PPP1R12A: variants seen among roughly 807,000 people sequenced by gnomAD.
PPP1R12A encodes protein phosphatase 1 regulatory subunit 12A, also known as myosin binding subunit.
Under a neutral mutation model 139.6 loss-of-function variants are expected in PPP1R12A, and 19 were observed. The observed-to-expected ratio is 0.14, with a 90% CI of 0.09 to 0.20. PPP1R12A has a LOEUF of 0.20. Ranked by LOEUF, PPP1R12A falls within the 10% of genes least tolerant of loss-of-function variation. The probability of loss-of-function intolerance (pLI) is 1.00; values close to 1 mark genes in which losing one functional copy is unlikely to be tolerated. For missense variants in PPP1R12A, 925 were observed against 1,211.5 expected, an observed-to-expected ratio of 0.76 and a Z score of 3.51; for synonymous variants, 427 against 420.6, an observed-to-expected ratio of 1.02 and a Z score of -0.19.
In PPP1R12A at chr12:79,817,517, A is replaced by G. The variant is rs1875555566; in HGVS notation, c.1116T>C (p.Asp372=). 1 of 1,580,786 alleles carries G rather than the reference A, an allele frequency of 6.3e-7. No homozygotes were observed. Among genetic ancestry groups the G allele is most frequent in the East Asian group, 2.3e-5 (1 of 43,788 alleles). ...EDDSESEAET[D]KTKPLASVTN... is the part of the protein sequence containing the mutation. ...TTACAGAAGCCAGGGGTTTTGTCTT[A>G]TCTATTAAAGACAAACAATTAAGAG... is the stretch of plus-strand genomic sequence containing the variant. The change falls in exon 9 of 25, where the codon GAT becomes GAC. Residue 372 remains aspartate, a splice_region_variant and synonymous_variant. Transcript: ENST00000450142.
At chr12:79,888,987 C>A (rs1460372354) in intron 1 of PPP1R12A, among the ~76,000 whole-genome samples, 1 of 152,122 alleles carries the variant, frequency 6.6e-6, no homozygotes, top group Non-Finnish European at 1.5e-5. Context: ...ATCACATGTG[C>A]AAAATGACAT....
In PPP1R12A at chr12:79,788,762, T is replaced by C; in HGVS notation, c.2688A>G (p.Ser896=). The C allele has an allele frequency of 6.2e-7, 1 of 1,610,272 alleles. No homozygotes were observed. Among genetic ancestry groups the C allele is most frequent in the South Asian group, 1.1e-5 (1 of 90,684 alleles). ...GCAAGGAATCATATCGATCACCAGC[T>C]GATGTAGAACTGGTTTCATATCTTC... ...SISRYETSST[S]AGDRYDSLLG... Residue 896 remains serine (S), a synonymous_variant, in exon 21 of 25, where the codon TCA becomes TCG. Coordinates refer to ENST00000450142, the MANE Select transcript of PPP1R12A (RefSeq NM_002480.3).
chr12:79,892,450 T>C (rs1014439791), intron 1 of PPP1R12A, among the ~76,000 whole-genome samples: 1 of 152,214 alleles, frequency 6.6e-6, no homozygotes, highest in Non-Finnish European at 1.5e-5. Flanking sequence ...ATTATTCGTT[T>C]AATATTTACT....
At chr12:79,935,457 C>T (rs945990766), upstream of PPP1R12A, 118 of 987,764 alleles carry the variant, frequency 1.2e-4, no homozygotes, top group Non-Finnish European at 1.4e-4. Context: ...GGCAGATCTG[C>T]CTCCCGTGCT....
chr12:79,838,255 G>A (rs1259804034), intron 3 of PPP1R12A, among the ~76,000 whole-genome samples: 1 of 152,182 alleles, frequency 6.6e-6, no homozygotes, highest in Non-Finnish European at 1.5e-5. Flanking sequence ...GAGATCTGTG[G>A]AACTCTGAAC....
In PPP1R12A at chr12:79,809,810, C is replaced by T. The variant is rs1173531296; in HGVS notation, c.1440G>A (p.Leu480=). The T allele has an allele frequency of 6.2e-7, 1 of 1,611,512 alleles. No homozygotes were observed. The change falls in exon 10 of 25, where the codon TTG becomes TTA. Residue 480 remains leucine, a synonymous_variant. Transcript: ENST00000450142. ...AATAGATTACCTTTTCTTTATTATCCAAAGAGGAGGAAAGTCTGGGACTTG... is the reference window on the plus strand; with the variant it reads ...AATAGATTACCTTTTCTTTATTATCTAAAGAGGAGGAAAGTCTGGGACTTG... The part of the protein sequence containing the change: ...SASSPRLSSS[L]DNKEKEKDSK...
intron 3 of PPP1R12A, among the ~76,000 whole-genome samples, chr12:79,843,617 G>C (rs1214432740): frequency 5.9e-5 from 2 of 33,818 alleles, no homozygotes; most frequent in Non-Finnish European, 9.8e-5. Flanking sequence ...AAAAAATATA[G>C]ATATAGATAT....
chr12:79,896,486 C>A (rs1336196631), intron 1 of PPP1R12A, among the ~76,000 whole-genome samples: 3 of 152,000 alleles, frequency 2.0e-5, no homozygotes, highest in African/African-American at 7.2e-5. Flanking sequence ...GACGTGCCAC[C>A]TTTCCCAGCT....
chr12:79,856,015 T>C (rs1388076795), intron 2 of PPP1R12A, among the ~76,000 whole-genome samples: 1 of 152,180 alleles, frequency 6.6e-6, no homozygotes, highest in Non-Finnish European at 1.5e-5. Flanking sequence ...AGTACTTAGA[T>C]CCAGTAAATC....
Position 79,821,175 on chromosome 12 carries a change from A to C in PPP1R12A, c.868-9T>G. On this transcript the variant is annotated splice_polypyrimidine_tract_variant and intron_variant, in intron 6 of 24. Transcript: ENST00000450142. ...CGTTTTTCACTATGGAGCTTTGTACAAAGTTATGCAAAGGAAAATAAGAAA... is the reference window on the plus strand; with the variant it reads ...CGTTTTTCACTATGGAGCTTTGTACCAAGTTATGCAAAGGAAAATAAGAAA... 6.3e-7 allele frequency: 1 copy of C among 1,575,812 alleles called. No individual in the cohort carries two copies. The highest frequency in any genetic ancestry group is 8.7e-7 in the Non-Finnish European group (1 of 1,151,394).
At chr12:79,782,611 A>G in intron 22 of PPP1R12A, 1 of 450,184 alleles carries the variant, frequency 2.2e-6, no homozygotes. Context: ...CATTAAGCAC[A>G]GGCACAGTTT....
chr12:79,901,058 G>T (rs1280179107), intron 1 of PPP1R12A, among the ~76,000 whole-genome samples: 1 of 152,114 alleles, frequency 6.6e-6, no homozygotes, highest in African/African-American at 2.4e-5. Context: ...TGGGTGGAAG[G>T]AACAGTTAAG....
intron 2 of PPP1R12A, among the ~76,000 whole-genome samples, chr12:79,859,792 C>T (rs1881111378): frequency 6.6e-6 from 1 of 152,130 alleles, no homozygotes; most frequent in South Asian, 2.1e-4. Flanking sequence ...TGGTGCAAGT[C>T]TACAGTCCTA....
In PPP1R12A at chr12:79,880,648, TAGG is replaced by T. The variant is rs1883553356; in HGVS notation, c.238-7713_238-7711del. ...CTTGAAAAAGCTTATTTAGAGTTTTTAGGAAGAAGGGTGACGTGATCAGATCAG... is the reference window on the plus strand; with the variant it reads ...CTTGAAAAAGCTTATTTAGAGTTTTTAAGAAGGGTGACGTGATCAGATCAG... On this transcript the variant is annotated intron_variant, in intron 1 of 24. Coordinates refer to ENST00000450142, the MANE Select transcript of PPP1R12A (RefSeq NM_002480.3). Among the ~76,000 whole-genome samples the T allele has an allele frequency of 5.9e-5, 9 of 152,244 alleles. No individual in the cohort carries two copies. In the South Asian group the frequency reaches 1.9e-3, roughly 32 times the overall value.
chr12:79,821,992 A>G lies in PPP1R12A; in HGVS notation c.867+124T>C, dbSNP rs1025889076. 6.5e-6 allele frequency: 4 copies of G among 618,054 alleles called. No homozygotes were observed. The African/African-American group carries it at 7.4e-5, about 11-fold the overall frequency. 38.3% of individuals were successfully genotyped at this position (618,054 alleles called of 1,614,324 possible). ...CCTTTATTCTCTTTCACTATCATTT[A>G]GTGAAACTTAAGGATAACTTAAAAC... is the stretch of plus-strand genomic sequence containing the variant. On this transcript the variant is annotated intron_variant, in intron 6 of 24. Coordinates refer to ENST00000450142, the MANE Select transcript of PPP1R12A (RefSeq NM_002480.3).
chr12:79,933,279 A>C (rs975146645), intron 1 of PPP1R12A, among the ~76,000 whole-genome samples: 3 of 152,226 alleles, frequency 2.0e-5, no homozygotes, highest in Admixed American at 2.0e-4. Flanking sequence ...TCAACTTTGT[A>C]AACAAAGGCT....
intron 1 of PPP1R12A, among the ~76,000 whole-genome samples, chr12:79,883,240 G>T (rs909630061): frequency 1.3e-5 from 2 of 151,818 alleles, no homozygotes; most frequent in African/African-American, 4.9e-5. Flanking sequence ...TAGCAATAAA[G>T]CATTTTTAAA....
At chr12:79,919,392 T>C (rs796703353) in intron 1 of PPP1R12A, among the ~76,000 whole-genome samples, 2 of 151,474 alleles carry the variant, frequency 1.3e-5, no homozygotes, top group Admixed American at 1.3e-4. Context: ...CCATCTCTAC[T>C]AAAAATACAA....
intron 1 of PPP1R12A, among the ~76,000 whole-genome samples, chr12:79,919,594 G>A (rs1388119531): frequency 6.6e-6 from 1 of 151,360 alleles, no homozygotes; most frequent in Admixed American, 6.6e-5. Flanking sequence ...CCCAATCTAG[G>A]TGAAATATGC....
Sources: gnomAD v4.1 joint callset for allele counts (sites outside exome capture counted in the v4.1 genomes callset) on GRCh38, gnomAD v4.1.1 for gene constraint, MANE v1.5 for transcripts, NCBI Gene and HGNC (gene_info 2026-07-23, HGNC 2026-07-21) for gene names.